The following LRP1B variants were observed in gnomAD, a reference collection of about 807,000 sequenced individuals.
The protein encoded by LRP1B is LDL receptor related protein 1B.
Under a neutral mutation model 556.6 loss-of-function variants are expected in LRP1B, and 217 were observed. The ratio of observed to expected loss-of-function variants is 0.39; its 90% CI spans 0.35 to 0.44. LRP1B has a LOEUF of 0.44. LRP1B is among the 20% of genes least tolerant of loss of function. The pLI is 1.00. For synonymous variants in LRP1B, 2,047 were observed against 1,865.8 expected (o/e 1.10, Z -2.50); for missense variants, 5,053 against 5,620.8 (o/e 0.90, Z 3.23).
intron 7 of LRP1B, among the ~76,000 whole-genome samples, chr2:141,103,728 A>G (rs1451820624): frequency 2.0e-5 from 3 of 151,204 alleles, no homozygotes; most frequent in Non-Finnish European, 3.0e-5. Flanking sequence ...TTTAGAAGAA[A>G]CCCCCTTTTT....
At chr2:141,606,154 A>T (rs1009626565) in intron 2 of LRP1B, among the ~76,000 whole-genome samples, 1 of 152,208 alleles carries the variant, frequency 6.6e-6, no homozygotes, top group Non-Finnish European at 1.5e-5. Context: ...TGGCCACATT[A>T]TTTCTAACTT....
At chr2:140,427,895 G>A (rs1261697413) in intron 66 of LRP1B, among the ~76,000 whole-genome samples, 1 of 152,000 alleles carries the variant, frequency 6.6e-6, no homozygotes, top group East Asian at 1.9e-4. Flanking sequence ...CACGGGGTCC[G>A]GCTTACAGTT....
chr2:140,611,046 C>T (rs1683055592), intron 41 of LRP1B, among the ~76,000 whole-genome samples: 1 of 152,078 alleles, frequency 6.6e-6, no homozygotes, highest in Non-Finnish European at 1.5e-5. Context: ...TATTACATTG[C>T]TCTACACAAA....
At chr2:141,196,210 G>A (rs1361642179) in intron 6 of LRP1B, among the ~76,000 whole-genome samples, 1 of 151,884 alleles carries the variant, frequency 6.6e-6, no homozygotes, top group East Asian at 1.9e-4. Context: ...ACTCCATCAA[G>A]GCTTATGGTA....
rs112695481 is a variant in LRP1B, at chr2:141,230,872, T to C, written c.593-1432A>G. 2.8e-3 allele frequency among the ~76,000 whole-genome samples: 420 copies of C among 152,350 alleles called. 2 individuals are homozygous for C. The highest frequency in any genetic ancestry group is 4.1e-3 in the Admixed American group (62 of 15,300). On this transcript the variant is annotated intron_variant, in intron 5 of 90. Transcript: ENST00000389484. Reference sequence around the variant, plus strand: ...CCCCTATACTTTCTATACACCTTCATAGTTCTTTCTTATTCACCATAGTAT... The same window carrying C: ...CCCCTATACTTTCTATACACCTTCACAGTTCTTTCTTATTCACCATAGTAT...
In LRP1B at chr2:141,480,669, C is replaced by G. The variant is rs182697119; in HGVS notation, c.206-136G>C. 5 of 864,152 alleles carry G rather than the reference C, an allele frequency of 5.8e-6. No individual in the cohort carries two copies. In the East Asian group the frequency reaches 1.3e-4, roughly 23 times the overall value. 53.5% of individuals were successfully genotyped at this position (864,152 alleles called of 1,614,324 possible). ...ACTGTAAGAGTGCTGCTCTTGTTCTCAGAGACATTGAAGTTAGCCTATGTG... is the reference window on the plus strand; with the variant it reads ...ACTGTAAGAGTGCTGCTCTTGTTCTGAGAGACATTGAAGTTAGCCTATGTG... On this transcript the variant is annotated intron_variant, in intron 2 of 90. Transcript: ENST00000389484.
At chr2:140,330,218 AATAATAATAATAATAAT>A (rs1009055971) in intron 79 of LRP1B, among the ~76,000 whole-genome samples, 2 of 140,808 alleles carry the variant, frequency 1.4e-5, no homozygotes, top group Admixed American at 1.4e-4. Context: ...TAATAATAAT[AATAATAATAATAATAAT>A]AATAATATGG....
At chr2:140,860,465 G>A (rs1395750018) in intron 27 of LRP1B, among the ~76,000 whole-genome samples, 1 of 152,104 alleles carries the variant, frequency 6.6e-6, no homozygotes, top group Non-Finnish European at 1.5e-5. Flanking sequence ...TGAGTCAGTA[G>A]CCTGACTTTG....
At chr2:141,069,920 A>T (rs1699588281) in intron 7 of LRP1B, among the ~76,000 whole-genome samples, 1 of 151,048 alleles carries the variant, frequency 6.6e-6, no homozygotes, top group Non-Finnish European at 1.5e-5. Context: ...GTCATTTAGC[A>T]TTAGGTATAT....
intron 21 of LRP1B, among the ~76,000 whole-genome samples, chr2:140,918,008 C>T (rs1694629116): frequency 1.3e-5 from 2 of 151,978 alleles, no homozygotes; most frequent in South Asian, 4.1e-4. Flanking sequence ...TAAAATTTGT[C>T]TAAAATATAA....
intron 7 of LRP1B, among the ~76,000 whole-genome samples, chr2:141,095,983 AT>A (rs1189674063): frequency 6.6e-6 from 1 of 152,050 alleles, no homozygotes; most frequent in East Asian, 1.9e-4. Flanking sequence ...CCGTATTCTC[AT>A]TTTTTTCATG....
In LRP1B at chr2:140,231,582, TTA is replaced by T. The variant is rs1314621274; in HGVS notation, c.*1602_*1603del. ...TACTTAAACAAGAACCTGAAAAAGTTTATGATATGCATAACATTGTTCAAGCA... is the reference window on the plus strand; with the variant it reads ...TACTTAAACAAGAACCTGAAAAAGTTTGATATGCATAACATTGTTCAAGCA... On this transcript the variant is annotated 3_prime_UTR_variant, in exon 91 of 91. Coordinates refer to ENST00000389484, the MANE Select transcript of LRP1B (RefSeq NM_018557.3). 7.2e-5 allele frequency: 11 copies of T among 151,938 alleles called. No individual in the cohort carries two copies. The highest frequency in any genetic ancestry group is 2.2e-4 in the African/African-American group (9 of 41,478). 9.4% of individuals were successfully genotyped at this position (151,938 alleles called of 1,614,324 possible). A position where few individuals can be genotyped will look rare whatever the true frequency, so the allele number is the denominator to read the frequency against.
At chr2:140,552,300 A>G (rs1350732030) in intron 43 of LRP1B, among the ~76,000 whole-genome samples, 3 of 152,146 alleles carry the variant, frequency 2.0e-5, no homozygotes, top group Admixed American at 1.3e-4. Context: ...AACAGTTATT[A>G]TGGATATTCT....
At chr2:141,161,816 C>T (rs148778014) in intron 7 of LRP1B, among the ~76,000 whole-genome samples, 1,621 of 152,144 alleles carry the variant, frequency 0.011, 13 homozygotes, top group Non-Finnish European at 0.017. Context: ...TCACTATATG[C>T]ACAGCACCCA....
chr2:141,243,528 T>C (rs2105320546), intron 5 of LRP1B, among the ~76,000 whole-genome samples: 1 of 152,280 alleles, frequency 6.6e-6, no homozygotes, highest in African/African-American at 2.4e-5. Flanking sequence ...TAGCTTTTAA[T>C]GTGTGTTCTA....
intron 1 of LRP1B, among the ~76,000 whole-genome samples, chr2:141,940,642 T>C (rs1490352357): frequency 1.3e-5 from 2 of 152,294 alleles, no homozygotes; most frequent in East Asian, 3.9e-4. Context: ...AATTTGAATA[T>C]ATGTGTATTT....
At chr2:140,893,279 T>A (rs757236125) in intron 23 of LRP1B, among the ~76,000 whole-genome samples, 1 of 152,204 alleles carries the variant, frequency 6.6e-6, no homozygotes, top group Non-Finnish European at 1.5e-5. Context: ...CTGCAAAATG[T>A]TCATATGTTT....
chr2:142,049,628 C>T (rs763643180), intron 1 of LRP1B, among the ~76,000 whole-genome samples: 32 of 152,074 alleles, frequency 2.1e-4, no homozygotes, highest in Non-Finnish European at 4.4e-4. Flanking sequence ...TAATGCCTCA[C>T]GATTCCCATG....
intron 6 of LRP1B, among the ~76,000 whole-genome samples, chr2:141,209,213 C>A (rs1356331931): frequency 6.6e-6 from 1 of 152,138 alleles, no homozygotes; most frequent in Non-Finnish European, 1.5e-5. Context: ...CCCCACCCGT[C>A]GTGGGAGGGA....
Sources: gnomAD v4.1 joint callset for allele counts (sites outside exome capture counted in the v4.1 genomes callset) on GRCh38, gnomAD v4.1.1 for gene constraint, MANE v1.5 for transcripts, NCBI Gene and HGNC (gene_info 2026-07-23, HGNC 2026-07-21) for gene names.